SMC1A: variants seen among roughly 807,000 people sequenced by gnomAD.
SMC1A encodes the protein structural maintenance of chromosomes protein 1A.
Under a neutral mutation model 94.5 loss-of-function variants are expected in SMC1A, and 4 were observed. That is an observed-to-expected ratio of 0.04 (90% confidence interval 0.02 to 0.10). The LOEUF is 0.10. Among genes scored for constraint, SMC1A ranks in the 10% least tolerant of loss-of-function variants. SMC1A has a pLI of 1.00. For missense variants in SMC1A, 304 were observed against 989.0 expected, an observed-to-expected ratio of 0.31 and a Z score of 9.29; for synonymous variants, 345 against 347.7, an observed-to-expected ratio of 0.99 and a Z score of 0.09.
At chrX:53,422,150 C>G (rs2075760974) in intron 1 of SMC1A, 1 of 887,455 alleles carries the variant, frequency 1.1e-6, no homozygotes, top group Admixed American at 3.2e-5. Flanking sequence ...CCGGCCGGTC[C>G]GGCGGGGAGC....
chrX:53,394,228 TG>T (rs1341562678), intron 19 of SMC1A, among the ~76,000 whole-genome samples: 3 of 108,719 alleles, frequency 2.8e-5, no homozygotes, highest in African/African-American at 3.4e-5. Context: ...TAATTGATTA[TG>T]TAAAGTGAAA....
chrX:53,385,173 TAAG>T (rs1409091379), intron 19 of SMC1A, among the ~76,000 whole-genome samples: 1 of 107,131 alleles, frequency 9.3e-6, no homozygotes, highest in South Asian at 4.1e-4. Flanking sequence ...ATTTCAAGAA[TAAG>T]AAGGACATAA....
Position 53,405,000 on chromosome X carries a change from G to A in SMC1A, c.2196+12C>T, listed in dbSNP as rs782468051. The A allele has an allele frequency of 8.4e-7, 1 of 1,193,163 alleles. No homozygotes were observed. Among genetic ancestry groups the A allele is most frequent in the South Asian group, 1.8e-5 (1 of 54,615 alleles). ...TGGCCTTTGGAGAACAGGGCTGAAG[G>A]CCAGGCCCCACCTGCAGATTCAGGG... On this transcript the variant is annotated intron_variant, in intron 13 of 24. Coordinates refer to ENST00000322213, the MANE Select transcript of SMC1A (RefSeq NM_006306.4).
rs914188461 is a variant in SMC1A, at chrX:53,421,038, T to C, written c.109+1454A>G. 6.3e-5 allele frequency among the ~76,000 whole-genome samples: 7 copies of C among 111,143 alleles called. No individual in the cohort carries two copies. The Admixed American group carries it at 6.7e-4, about 11-fold the overall frequency. The stretch of plus-strand genomic sequence containing the variant: ...AACGGGGGCAAGTGGGGGAGTGCCA[T>C]AGCCCTTTTCAGAACAGCTGGGAAT... On this transcript the variant is annotated intron_variant, in intron 1 of 24. Transcript: ENST00000322213.
intron 7 of SMC1A, among the ~76,000 whole-genome samples, chrX:53,410,382 G>A (rs897451109): frequency 1.8e-5 from 2 of 110,367 alleles, no homozygotes; most frequent in Non-Finnish European, 3.8e-5. Flanking sequence ...CTTGAGTTCG[G>A]AAGTTCAAGA....
At chrX:53,402,598 G>T (rs1556889074) in intron 15 of SMC1A, among the ~76,000 whole-genome samples, 1 of 105,442 alleles carries the variant, frequency 9.5e-6, no homozygotes, top group African/African-American at 3.5e-5. Context: ...AGGCGTGGTG[G>T]CTCATCCTGT....
Position 53,379,788 on chromosome X carries a change from C to T in SMC1A, c.*315G>A, listed in dbSNP as rs6638390. ...ACATACACACATACATACCCACACA[C>T]ACAGTGGGCAAGAGGCCCAAGGGGC... On this transcript the variant is annotated 3_prime_UTR_variant, in exon 25 of 25. Transcript: ENST00000322213. 2.6e-6 allele frequency: 1 copy of T among 384,078 alleles called. No individual in the cohort carries two copies. Among genetic ancestry groups the T allele is most frequent in the Non-Finnish European group, 4.6e-6 (1 of 218,615 alleles). 31.7% of individuals were successfully genotyped at this position (384,078 alleles called of 1,213,427 possible). A position where few individuals can be genotyped will look rare whatever the true frequency, so the allele number is the denominator to read the frequency against.
intron 22 of SMC1A, chrX:53,382,005 A>C (rs1556885954): frequency 2.2e-6 from 1 of 446,012 alleles, no homozygotes; most frequent in Non-Finnish European, 3.9e-6. Context: ...GCGGAACTAA[A>C]TACATGCAGA....
chrX:53,413,199 C>T lies in SMC1A; in HGVS notation c.615+33G>A, dbSNP rs374804351. 4 of 1,211,728 alleles carry T rather than the reference C, an allele frequency of 3.3e-6. No individual in the cohort carries two copies. The African/African-American group carries it at 5.2e-5, about 16-fold the overall frequency. The stretch of plus-strand genomic sequence containing the variant: ...GATAAGGCACTGGCTCCATCCTGGT[C>T]CCTCAGAGCCAAGAGGTAGCTTGGC... On this transcript the variant is annotated intron_variant, in intron 4 of 24. Coordinates refer to ENST00000322213, the MANE Select transcript of SMC1A (RefSeq NM_006306.4).
intron 19 of SMC1A, among the ~76,000 whole-genome samples, chrX:53,389,987 C>T (rs1009346461): frequency 3.9e-5 from 4 of 103,331 alleles, no homozygotes; most frequent in Admixed American, 3.2e-4. Flanking sequence ...GTAGCTGGGA[C>T]TACAGGCACG....
intron 19 of SMC1A, among the ~76,000 whole-genome samples, chrX:53,389,346 GATCA>G (rs1356343323): frequency 9.0e-6 from 1 of 111,054 alleles, no homozygotes; most frequent in African/African-American, 3.3e-5. Context: ...ACTAACTATT[GATCA>G]ATCATCTTAT....
chrX:53,400,234 G>A (rs2075666171), intron 15 of SMC1A, among the ~76,000 whole-genome samples: 1 of 111,815 alleles, frequency 8.9e-6, no homozygotes, highest in African/African-American at 3.2e-5. Context: ...AATGGCACAT[G>A]TGAGACTGAA....
rs1215099099 is a variant in SMC1A, at chrX:53,376,270, T to C, written c.*3833A>G. 2.7e-5 allele frequency: 3 copies of C among 111,775 alleles called. No homozygotes were observed. Among genetic ancestry groups the C allele is most frequent in the Admixed American group, 9.5e-5 (1 of 10,571 alleles). 9.2% of individuals were successfully genotyped at this position (111,775 alleles called of 1,213,427 possible). ...GTTCACATCTGATCTGGAGTCCCCC[T>C]ATTAAAAACCATTTCATGGCTCCCT... On this transcript the variant is annotated 3_prime_UTR_variant, in exon 25 of 25. Transcript: ENST00000322213.
intron 19 of SMC1A, among the ~76,000 whole-genome samples, chrX:53,392,295 G>T (rs2075632589): frequency 9.2e-6 from 1 of 108,888 alleles, no homozygotes. Context: ...GGGAGGCTGA[G>T]GAAGGAGAAT....
chrX:53,418,588 C>G (rs781913344), intron 1 of SMC1A, among the ~76,000 whole-genome samples: 1 of 112,361 alleles, frequency 8.9e-6, no homozygotes, highest in Admixed American at 9.4e-5. Flanking sequence ...GCATAAGCCA[C>G]CATGCCCAGC....
At position 53,408,003 on chromosome X, in the gene SMC1A, ATATAT is replaced by A. The variant is rs200715311; in HGVS notation, c.1545+1054_1545+1058del. 8.0e-3 allele frequency among the ~76,000 whole-genome samples: 885 copies of A among 111,306 alleles called. 8 individuals carry two copies. The highest frequency in any genetic ancestry group is 0.028 in the African/African-American group (865 of 30,637). ...CCAGGCACTATGCCAAGTATCTTAT[ATATAT>A]TATTTCAAATTCTCACAAGCACTTA... is the stretch of plus-strand genomic sequence containing the variant. On this transcript the variant is annotated intron_variant, in intron 9 of 24. Coordinates refer to ENST00000322213, the MANE Select transcript of SMC1A (RefSeq NM_006306.4).
chrX:53,394,731 T>TACCCCC, intron 19 of SMC1A, 47 bp downstream of exon 19: 2 of 416,230 alleles, frequency 4.8e-6, no homozygotes, highest in Non-Finnish European at 4.4e-6. Flanking sequence ...ATAGTCCCAC[T>TACCCCC]CCCACCCAAC....
chrX:53,399,969 C>T (rs1301634619), intron 15 of SMC1A, among the ~76,000 whole-genome samples: 1 of 111,235 alleles, frequency 9.0e-6, no homozygotes, highest in African/African-American at 3.3e-5. Flanking sequence ...AGGGAAGATT[C>T]GGCCAAACCT....
Position 53,414,848 on chromosome X carries a change from G to A in SMC1A, c.321C>T (p.Ile107=). The change falls in exon 3 of 25, where the codon ATC becomes ATT. Residue 107 remains isoleucine (I), a synonymous_variant. Coordinates refer to ENST00000322213, the MANE Select transcript of SMC1A (RefSeq NM_006306.4). ...CATGTAGTTGGACCACTTTGTTGTT[G>A]ATCTTGTACTCAGAAGAACCTCCTA... ...VIVGGSSEYK[I]NNKVVQLHEY... The A allele has an allele frequency of 8.3e-7, 1 of 1,205,549 alleles. No homozygotes were observed. Among genetic ancestry groups the A allele is most frequent in the Non-Finnish European group, 1.1e-6 (1 of 889,895 alleles).
Sources: gnomAD v4.1 joint callset for allele counts (sites outside exome capture counted in the v4.1 genomes callset) on GRCh38, gnomAD v4.1.1 for gene constraint, MANE v1.5 for transcripts, NCBI Gene and HGNC (gene_info 2026-07-23, HGNC 2026-07-21) for gene names.